HOXC4: variants seen among roughly 807,000 people sequenced by gnomAD.
The protein encoded by HOXC4 is homeobox protein Hox-C4.
In HOXC4, 15 loss-of-function variants were observed where a neutral mutation model predicts 25.5. The ratio of observed to expected loss-of-function variants is 0.59; its 90% CI spans 0.39 to 0.91. HOXC4 has a LOEUF of 0.91. Ranked by LOEUF, HOXC4 falls within the 40% of genes least tolerant of loss-of-function variation. The pLI is 0.00. For missense variants in HOXC4, 342 were observed against 352.4 expected (o/e 0.97, Z 0.24); for synonymous variants, 165 against 148.0 (o/e 1.11, Z -0.83).
intron 1 of HOXC4, among the ~76,000 whole-genome samples, chr12:54,024,550 C>T (rs1940602594): frequency 6.6e-6 from 1 of 152,116 alleles, no homozygotes; most frequent in Non-Finnish European, 1.5e-5. Flanking sequence ...GATCTCATCC[C>T]TCTCACTTCA....
intron 1 of HOXC4, 97 bp from the exon 2 acceptor site, chr12:54,054,753 C>T: frequency 1.3e-6 from 1 of 781,356 alleles, no homozygotes; most frequent in Middle Eastern, 3.1e-4. Flanking sequence ...TCCACCACTC[C>T]CTCCTCCTGT....
chr12:54,051,314 G>A (rs1175711678), upstream of HOXC4, among the ~76,000 whole-genome samples: 2 of 151,992 alleles, frequency 1.3e-5, no homozygotes, highest in African/African-American at 2.4e-5. Context: ...TGGACTTCCC[G>A]GTGGAGCCAT....
intron 1 of HOXC4, chr12:54,022,501 T>C (rs1405455337): frequency 6.6e-6 from 1 of 152,170 alleles, no homozygotes; most frequent in African/African-American, 2.4e-5. Flanking sequence ...AAATTAATTT[T>C]CCCCTCCCAG....
intron 1 of HOXC4, among the ~76,000 whole-genome samples, chr12:54,040,464 C>G (rs1329702872): frequency 1.3e-5 from 2 of 152,186 alleles, no homozygotes; most frequent in Admixed American, 6.5e-5. Context: ...CCAGCATATT[C>G]TAGCCTCCTC....
At chr12:54,049,593 A>G (rs1374025338), upstream of HOXC4, among the ~76,000 whole-genome samples, 1 of 151,740 alleles carries the variant, frequency 6.6e-6, no homozygotes, top group African/African-American at 2.4e-5. Context: ...AAAAAGGTTG[A>G]GTATTTTCTG....
chr12:54,032,083 A>G (rs551301827), intron 1 of HOXC4, among the ~76,000 whole-genome samples: 6 of 152,334 alleles, frequency 3.9e-5, no homozygotes, highest in East Asian at 1.9e-4. Context: ...AACCTCTGGC[A>G]TAGGTACCAC....
intron 1 of HOXC4, chr12:54,028,494 C>G: frequency 1.2e-6 from 2 of 1,605,044 alleles, no homozygotes; most frequent in Non-Finnish European, 1.7e-6. Context: ...TTAAAGAAAT[C>G]ATAGACCGAC....
chr12:54,031,902 A>C (rs1941002490), intron 1 of HOXC4, among the ~76,000 whole-genome samples: 1 of 152,148 alleles, frequency 6.6e-6, no homozygotes, highest in Admixed American at 6.5e-5. Context: ...GTAGCTCAGA[A>C]ATTGCTCTCT....
chr12:54,054,687 A>T (rs1197475775), intron 1 of HOXC4, among the ~76,000 whole-genome samples, 163 bp from the exon 2 acceptor site: 1 of 151,640 alleles, frequency 6.6e-6, no homozygotes, highest in Non-Finnish European at 1.5e-5. Context: ...TTACACTACA[A>T]AGTCTTCAGC....
rs199538004 is a variant in HOXC4 at position 54,055,117 on chromosome 12, C to G, written c.707C>G (p.Ser236Trp). The change falls in exon 2 of 2, where the codon TCG becomes TGG. Residue 236 changes from serine (S) to tryptophan (W), a missense_variant. Coordinates refer to ENST00000430889, the MANE Select transcript of HOXC4 (RefSeq NM_153633.3). The stretch of plus-strand genomic sequence containing the variant: ...GCCGGCGCTGCGCCCAGCACCCTTT[C>G]GGCAGCTACCCCGGGTACTTCTGAA... ...PPAGAAPSTL[S>W]AATPGTSEDH... 1.9e-6 allele frequency: 3 copies of G among 1,613,282 alleles called. No homozygotes were observed. Among genetic ancestry groups the G allele is most frequent in the East Asian group, 2.2e-5 (1 of 44,850 alleles).
chr12:54,025,101 G>A (rs1940630752), intron 1 of HOXC4, among the ~76,000 whole-genome samples: 1 of 152,178 alleles, frequency 6.6e-6, no homozygotes, highest in South Asian at 2.1e-4. Context: ...GCCTGATGGG[G>A]TTGGGGGGTA....
chr12:54,051,845 T>C (rs1437724044), upstream of HOXC4, among the ~76,000 whole-genome samples: 1 of 152,214 alleles, frequency 6.6e-6, no homozygotes, highest in Non-Finnish European at 1.5e-5. Context: ...AGCTTCCCTC[T>C]CATTCCAGCC....
chr12:54,047,351 C>T (rs1361793114), intron 1 of HOXC4, among the ~76,000 whole-genome samples: 1 of 152,350 alleles, frequency 6.6e-6, no homozygotes, highest in Admixed American at 6.5e-5. Flanking sequence ...AGTCCCGCGC[C>T]GCGGGGCCGC....
At chr12:54,047,752 G>C (rs1030470817) in intron 1 of HOXC4, 14 of 152,258 alleles carry the variant, frequency 9.2e-5, no homozygotes, top group African/African-American at 2.9e-4. Context: ...CATCGCTATT[G>C]ATTCCCGCTT....
At chr12:54,024,846 C>T (rs916505352) in intron 1 of HOXC4, among the ~76,000 whole-genome samples, 4 of 152,214 alleles carry the variant, frequency 2.6e-5, no homozygotes, top group East Asian at 3.8e-4. Context: ...AGGTCCAAGG[C>T]GCAGGCAGTA....
At chr12:54,051,433 C>CT (rs1937844103), upstream of HOXC4, among the ~76,000 whole-genome samples, 1 of 129,710 alleles carries the variant, frequency 7.7e-6, no homozygotes, top group Admixed American at 7.4e-5. Context: ...TTAAGACAAC[C>CT]CCACACAACC....
rs764256283 is a variant in HOXC4 at position 54,055,235 on chromosome 12, A to G, written c.*30A>G. ...TAACTCACACCCCTGCCCCCACCCC[A>G]TGCCCCCACCCTCCCCTCACACACA... On this transcript the variant is annotated 3_prime_UTR_variant, in exon 2 of 2. Transcript: ENST00000430889. 6 of 943,584 alleles carry G rather than the reference A, an allele frequency of 6.4e-6. No individual in the cohort carries two copies. The highest frequency in any genetic ancestry group is 7.9e-4 in the Middle Eastern group (2 of 2,518). 58.5% of individuals were successfully genotyped at this position (943,584 alleles called of 1,614,324 possible).
chr12:54,042,380 C>A (rs186620799), intron 1 of HOXC4, among the ~76,000 whole-genome samples: 24 of 152,338 alleles, frequency 1.6e-4, no homozygotes, highest in African/African-American at 5.5e-4. Context: ...TCAATGTGGA[C>A]TTCTCACACT....
chr12:54,055,282 T>C lies in HOXC4; in HGVS notation c.*77T>C. On this transcript the variant is annotated 3_prime_UTR_variant, in exon 2 of 2. Transcript: ENST00000430889. ...CACAAATTGACTCTTATTTATAGAATTTAATATATATATATATATATATAT... is the reference window on the plus strand; with the variant it reads ...CACAAATTGACTCTTATTTATAGAACTTAATATATATATATATATATATAT... The C allele has an allele frequency of 3.1e-6, 1 of 325,282 alleles. No individual in the cohort carries two copies. The highest frequency in any genetic ancestry group is 6.5e-5 in the South Asian group (1 of 15,396). The allele number at this position is 325,282 out of a possible 1,614,324, so 20.1% of individuals were successfully genotyped here.
Sources: gnomAD v4.1 joint callset for allele counts (sites outside exome capture counted in the v4.1 genomes callset) on GRCh38, gnomAD v4.1.1 for gene constraint, MANE v1.5 for transcripts, NCBI Gene and HGNC (gene_info 2026-07-23, HGNC 2026-07-21) for gene names.